PPTC7: variants seen among roughly 807,000 people sequenced by gnomAD.
PPTC7 encodes protein phosphatase targeting COQ7.
In PPTC7, 6 loss-of-function variants were observed where a neutral mutation model predicts 30.8. The ratio of observed to expected loss-of-function variants is 0.19; its 90% confidence interval spans 0.11 to 0.38. The LOEUF (loss-of-function observed/expected upper bound fraction) is 0.38, where lower values mean the gene tolerates loss of function less well. Among genes scored for constraint, PPTC7 ranks in the 10% least tolerant of loss-of-function variants. The pLI, the probability that PPTC7 is intolerant of heterozygous loss-of-function variation, is 1.00. For synonymous variants in PPTC7, 163 were observed against 168.1 expected (o/e 0.97, Z 0.23); for missense variants, 218 against 404.8 (o/e 0.54, Z 3.96).
intron 1 of PPTC7, among the ~76,000 whole-genome samples, chr12:110,581,439 C>T (rs1358194426): frequency 1.3e-5 from 2 of 151,862 alleles, no homozygotes; most frequent in Admixed American, 1.3e-4. Context: ...GCACAGGTCA[C>T]AAGCTCATTG....
At chr12:110,552,598 C>T (rs532068030) in intron 1 of PPTC7, among the ~76,000 whole-genome samples, 2 of 152,350 alleles carry the variant, frequency 1.3e-5, no homozygotes, top group South Asian at 4.1e-4. Context: ...GGCGCGGTGG[C>T]TCACGCCTGT....
At chr12:110,562,286 C>CAAAA (rs11319526) in intron 1 of PPTC7, among the ~76,000 whole-genome samples, 21 of 34,722 alleles carry the variant, frequency 6.0e-4, no homozygotes, top group African/African-American at 1.6e-3. Flanking sequence ...GACTCCATCT[C>CAAAA]AAAAAAAAAA....
intron 1 of PPTC7, among the ~76,000 whole-genome samples, chr12:110,566,977 C>G (rs1247259756): frequency 6.6e-6 from 1 of 152,244 alleles, no homozygotes; most frequent in Non-Finnish European, 1.5e-5. Context: ...GAGCCTGCTG[C>G]CTCCTGTGTC....
At chr12:110,552,789 G>A (rs1020983301) in intron 1 of PPTC7, among the ~76,000 whole-genome samples, 12 of 152,132 alleles carry the variant, frequency 7.9e-5, no homozygotes, top group Admixed American at 3.3e-4. Context: ...GTGTGAACCC[G>A]CGAGGCAGAG....
intron 1 of PPTC7, among the ~76,000 whole-genome samples, chr12:110,575,467 G>A (rs913346715): frequency 5.9e-5 from 9 of 151,824 alleles, no homozygotes; most frequent in South Asian, 4.2e-4. Context: ...ATTCTAACCC[G>A]GTGTAGTGCT....
intron 1 of PPTC7, among the ~76,000 whole-genome samples, chr12:110,574,428 T>C (rs2064569836): frequency 6.6e-6 from 1 of 151,996 alleles, no homozygotes; most frequent in Non-Finnish European, 1.5e-5. Flanking sequence ...ATGAAACAAC[T>C]GGCTTAGAAA....
chr12:110,582,680 AG>A (rs2064648509), intron 1 of PPTC7, 128 bp downstream of exon 1: 1 of 754,810 alleles, frequency 1.3e-6, no homozygotes, highest in South Asian at 2.0e-5. Context: ...CCTGGCGCAT[AG>A]TAAGCGCTCC....
chr12:110,540,977 A>G, intron 3 of PPTC7, among the ~76,000 whole-genome samples: 1 of 150,580 alleles, frequency 6.6e-6, no homozygotes, highest in Non-Finnish European at 1.5e-5. Flanking sequence ...GGGTTTCACC[A>G]TGTTGGCCAG....
intron 1 of PPTC7, among the ~76,000 whole-genome samples, chr12:110,571,910 G>A (rs939194232): frequency 1.3e-5 from 2 of 152,144 alleles, no homozygotes; most frequent in Non-Finnish European, 2.9e-5. Flanking sequence ...AACACTAATG[G>A]TTCCATCACC....
chr12:110,555,420 A>T (rs896666177), intron 1 of PPTC7, among the ~76,000 whole-genome samples: 1 of 152,226 alleles, frequency 6.6e-6, no homozygotes, highest in Non-Finnish European at 1.5e-5. Context: ...CCATGAATGG[A>T]TCGTTGTTGA....
chr12:110,568,093 C>T (rs1288534576), intron 1 of PPTC7, among the ~76,000 whole-genome samples: 1 of 151,852 alleles, frequency 6.6e-6, no homozygotes, highest in Non-Finnish European at 1.5e-5. Context: ...ACACTGACCC[C>T]TATGCCGACC....
At chr12:110,564,377 A>G (rs1207025595) in intron 1 of PPTC7, among the ~76,000 whole-genome samples, 1 of 152,246 alleles carries the variant, frequency 6.6e-6, no homozygotes, top group Non-Finnish European at 1.5e-5. Context: ...AAAATTAAGT[A>G]AGGAAGTAAC....
chr12:110,563,161 A>G lies in PPTC7; in HGVS notation c.224-11193T>C, dbSNP rs538443955. 1.5e-4 allele frequency among the ~76,000 whole-genome samples: 23 copies of G among 151,768 alleles called. No homozygotes were observed. In the East Asian group the frequency reaches 1.7e-3, roughly 12 times the overall value. On this transcript the variant is annotated intron_variant, in intron 1 of 5. Transcript: ENST00000354300. ...AAAAAAAAAAAAAGAAGAAGAAGAA[A>G]AAAGAAGTTTCCATTCCACATTAAT...
intron 3 of PPTC7, among the ~76,000 whole-genome samples, chr12:110,542,164 A>T (rs977707999): frequency 5.3e-5 from 8 of 152,082 alleles, no homozygotes; most frequent in African/African-American, 1.9e-4. Flanking sequence ...AAAAAAAAAA[A>T]TAGAAGAAAT....
intron 1 of PPTC7, among the ~76,000 whole-genome samples, chr12:110,560,834 T>C (rs2064432806): frequency 6.6e-6 from 1 of 152,230 alleles, no homozygotes; most frequent in Non-Finnish European, 1.5e-5. Flanking sequence ...CTTGCATCTT[T>C]GATGATCTCA....
intron 1 of PPTC7, among the ~76,000 whole-genome samples, chr12:110,568,814 T>A (rs549577702): frequency 1.5e-4 from 23 of 152,318 alleles, no homozygotes; most frequent in Middle Eastern, 3.4e-3. Context: ...TGTCATTCCC[T>A]GGGTCAGAAC....
intron 1 of PPTC7, among the ~76,000 whole-genome samples, chr12:110,579,599 A>G (rs2064619406): frequency 6.6e-6 from 1 of 152,188 alleles, no homozygotes; most frequent in Admixed American, 6.5e-5. Flanking sequence ...AGGGGTTGTG[A>G]ATCAAGGAAA....
intron 1 of PPTC7, among the ~76,000 whole-genome samples, chr12:110,576,211 A>G (rs1014095915): frequency 2.7e-4 from 41 of 152,198 alleles, no homozygotes; most frequent in African/African-American, 9.4e-4. Flanking sequence ...TAAAGTACTG[A>G]TTGATCTCAG....
chr12:110,542,018 C>T (rs556087583), intron 3 of PPTC7, among the ~76,000 whole-genome samples: 3 of 151,652 alleles, frequency 2.0e-5, no homozygotes, highest in African/African-American at 4.8e-5. Flanking sequence ...TGGTGGCGTG[C>T]GCCTATAATC....
Sources: gnomAD v4.1 joint callset for allele counts (sites outside exome capture counted in the v4.1 genomes callset) on GRCh38, gnomAD v4.1.1 for gene constraint, MANE v1.5 for transcripts, NCBI Gene and HGNC (gene_info 2026-07-23, HGNC 2026-07-21) for gene names.